CEP95: variants seen among roughly 807,000 people sequenced by gnomAD.
The protein encoded by CEP95 is centrosomal protein 95, also known as centrosomal protein of 95 kDa.
CEP95 carries 98 observed loss-of-function variants against 111.2 expected under a neutral mutation model. The observed-to-expected ratio is 0.88, with a 90% CI of 0.75 to 1.04. The LOEUF is 1.04. Among genes scored for constraint, CEP95 ranks in the 50% least tolerant of loss-of-function variants. CEP95 has a pLI of 0.00. For missense variants in CEP95, 1,027 were observed against 977.2 expected (o/e 1.05, Z -0.68); for synonymous variants, 323 against 327.1 (o/e 0.99, Z 0.14).
intron 5 of CEP95, among the ~76,000 whole-genome samples, chr17:64,517,853 CTTAACA>C (rs782560548): frequency 4.0e-5 from 6 of 151,858 alleles, no homozygotes; most frequent in Middle Eastern, 3.2e-3. Flanking sequence ...CATTTTTAAA[CTTAACA>C]TTAAGTGTTC....
In CEP95 at chr17:64,534,572, T is replaced by C. The variant is rs1555681092; in HGVS notation, c.1918-13T>C. ...TCCTTACCCTTCTCTTCCCTCCCCT[T>C]TCCCTTTCTTAGCAAGACTTCAAGG... On this transcript the variant is annotated splice_polypyrimidine_tract_variant and intron_variant, in intron 16 of 19. Transcript: ENST00000556440. 1.9e-6 allele frequency: 3 copies of C among 1,612,370 alleles called. No homozygotes were observed. The highest frequency in any genetic ancestry group is 2.5e-6 in the Non-Finnish European group (3 of 1,178,782).
At chr17:64,525,364 A>G (rs1227884370) in intron 8 of CEP95, among the ~76,000 whole-genome samples, 1 of 152,134 alleles carries the variant, frequency 6.6e-6, no homozygotes, top group Non-Finnish European at 1.5e-5. Context: ...GTTTATATTC[A>G]TATTTTGAGA....
chr17:64,510,429 A>G lies in CEP95; in HGVS notation c.256+149A>G, dbSNP rs926778246. 4.1e-5 allele frequency: 24 copies of G among 580,332 alleles called. No homozygotes were observed. In the African/African-American group the frequency reaches 4.2e-4, roughly 10 times the overall value. 35.9% of individuals were successfully genotyped at this position (580,332 alleles called of 1,614,324 possible). ...CTAAGACAATCAACTGATAGAGGTCAGGTCCATACATGAGAACTTTTCCAG... is the reference window on the plus strand; with the variant it reads ...CTAAGACAATCAACTGATAGAGGTCGGGTCCATACATGAGAACTTTTCCAG... On this transcript the variant is annotated intron_variant, in intron 3 of 19. Coordinates refer to ENST00000556440, the MANE Select transcript of CEP95 (RefSeq NM_138363.3).
At chr17:64,536,940 A>G (rs1968696397) in intron 18 of CEP95, 101 bp from the exon 19 acceptor site, 1 of 1,280,988 alleles carries the variant, frequency 7.8e-7, no homozygotes, top group South Asian at 1.4e-5. Context: ...ATATTTCCCT[A>G]TTTCCATTAA....
chr17:64,507,760 T>C (rs2038640187), intron 1 of CEP95: 2 of 985,464 alleles, frequency 2.0e-6, no homozygotes, highest in Non-Finnish European at 2.4e-6. Context: ...AAATACACTC[T>C]CATTCGTTTC....
chr17:64,537,682 A>G lies in CEP95; in HGVS notation c.2369A>G (p.Asn790Ser), dbSNP rs1968750449. 3 of 1,613,272 alleles carry G rather than the reference A, an allele frequency of 1.9e-6. No homozygotes were observed. The highest frequency in any genetic ancestry group is 2.5e-6 in the Non-Finnish European group (3 of 1,179,466). Residue 790 changes from asparagine (N) to serine (S), a missense_variant, in exon 20 of 20, where the codon AAT becomes AGT. Physicochemically the swap from Asn to Ser is conservative, Grantham distance 46. Transcript: ENST00000556440. The part of the protein sequence containing the change: ...IQQLQDMITQ[N>S]DDDVFFRELE... ...CAGCTGCAGGACATGATAACACAGA[A>G]TGATGATGATGTTTTCTTCCGGGAA...
In CEP95 at chr17:64,515,516, T is replaced by C. The variant is rs797030049; in HGVS notation, c.367+1158T>C. On this transcript the variant is annotated intron_variant, in intron 4 of 19. Transcript: ENST00000556440. ...GGGAGGGATGGTAGTGCCTGGCTAA[T>C]GATATGGCAGTGGGGATGAAGAGAG... is the stretch of plus-strand genomic sequence containing the variant. 8.5e-5 allele frequency among the ~76,000 whole-genome samples: 13 copies of C among 152,256 alleles called. 1 individual carries two copies. Among genetic ancestry groups the C allele is most frequent in the African/African-American group, 3.1e-4 (13 of 41,540 alleles).
At chr17:64,529,005 T>C (rs1968069011) in intron 11 of CEP95, among the ~76,000 whole-genome samples, 1 of 152,216 alleles carries the variant, frequency 6.6e-6, no homozygotes, top group South Asian at 2.1e-4. Flanking sequence ...CATCTCCCCC[T>C]ATCACCAAGA....
At chr17:64,529,981 A>C (rs1209512211) in intron 12 of CEP95, among the ~76,000 whole-genome samples, 1 of 152,246 alleles carries the variant, frequency 6.6e-6, no homozygotes, top group Non-Finnish European at 1.5e-5. Flanking sequence ...TCTTACACTC[A>C]TTTGTAACTC....
At chr17:64,530,831 C>T in intron 12 of CEP95, 95 bp from the exon 13 acceptor site, 1 of 637,156 alleles carries the variant, frequency 1.6e-6, no homozygotes, top group Admixed American at 3.3e-5. Context: ...TCAGGATCTC[C>T]TGTTTACTAG....
chr17:64,507,528 C>G, intron 1 of CEP95: 1 of 1,112,488 alleles, frequency 9.0e-7, no homozygotes, highest in Non-Finnish European at 1.1e-6. Context: ...ATTTATTATG[C>G]CCCTGCAGAA....
At chr17:64,510,140 G>T (rs2038814578) in intron 2 of CEP95, 33 bp from the exon 3 acceptor site, 2 of 1,318,780 alleles carry the variant, frequency 1.5e-6, no homozygotes, top group East Asian at 2.4e-5. Flanking sequence ...GCCTCTCATG[G>T]ATACAAAATT....
chr17:64,536,108 A>G (rs1267470602), intron 17 of CEP95: 1 of 152,350 alleles, frequency 6.6e-6, no homozygotes, highest in Admixed American at 6.5e-5. Flanking sequence ...GGTGGTAAAA[A>G]TGTTCTGTAG....
chr17:64,524,071 G>A (rs1967591680), intron 8 of CEP95, among the ~76,000 whole-genome samples: 1 of 152,104 alleles, frequency 6.6e-6, no homozygotes, highest in Non-Finnish European at 1.5e-5. Context: ...ATCTAAACAG[G>A]AGAGGGATTA....
At chr17:64,521,091 G>T (rs1256273748) in intron 6 of CEP95, among the ~76,000 whole-genome samples, 1 of 152,096 alleles carries the variant, frequency 6.6e-6, no homozygotes, top group African/African-American at 2.4e-5. Context: ...CAAAAAATTA[G>T]CCAGGCATGG....
chr17:64,512,070 T>C (rs1598183153), intron 3 of CEP95, among the ~76,000 whole-genome samples: 1 of 152,258 alleles, frequency 6.6e-6, no homozygotes. Context: ...GCTCTGTGGC[T>C]GTAAAAGATG....
chr17:64,507,829 T>G, intron 1 of CEP95: 1 of 985,450 alleles, frequency 1.0e-6, no homozygotes, highest in Non-Finnish European at 1.2e-6. Context: ...CGATTGAAAG[T>G]GCTTTCCTAC....
rs149973738 is a variant in CEP95 at position 64,529,025 on chromosome 17, A to G, written c.1307-263A>G. Among the ~76,000 whole-genome samples the G allele has an allele frequency of 2.1e-3, 326 of 152,344 alleles. 1 individual carries two copies. Among genetic ancestry groups the G allele is most frequent in the African/African-American group, 7.5e-3 (310 of 41,580 alleles). On this transcript the variant is annotated intron_variant, in intron 11 of 19. Transcript: ENST00000556440. The stretch of plus-strand genomic sequence containing the variant: ...CCCCCTATCACCAAGAGCACTCTCC[A>G]TAGTCCTTTGTGCATAGGAGGCATT...
chr17:64,534,548 C>T, intron 16 of CEP95, 37 bp from the exon 17 acceptor site: 1 of 1,585,428 alleles, frequency 6.3e-7, no homozygotes. Context: ...TTCCTCTTGT[C>T]CTTACCCTTC....
Sources: gnomAD v4.1 joint callset for allele counts (sites outside exome capture counted in the v4.1 genomes callset) on GRCh38, gnomAD v4.1.1 for gene constraint, MANE v1.5 for transcripts, NCBI Gene and HGNC (gene_info 2026-07-23, HGNC 2026-07-21) for gene names.